The following EAPP variants were observed in gnomAD, a reference collection of about 807,000 sequenced individuals.
The protein encoded by EAPP is E2F associated phosphoprotein, also known as E2F-associated phosphoprotein.
In EAPP, 38 loss-of-function variants were observed where a neutral mutation model predicts 34.3. That is an observed-to-expected ratio of 1.11 (90% CI 0.85 to 1.45). The LOEUF (loss-of-function observed/expected upper bound fraction) is 1.45. Ranked by LOEUF, EAPP falls within the 40% of genes most tolerant of loss-of-function variation. The pLI is 0.00. For missense variants in EAPP, 338 were observed against 343.7 expected, an observed-to-expected ratio of 0.98 and a Z score of 0.13; for synonymous variants, 113 against 117.6, an observed-to-expected ratio of 0.96 and a Z score of 0.25.
intron 5 of EAPP, among the ~76,000 whole-genome samples, chr14:34,516,977 GC>G (rs1475876786): frequency 6.9e-6 from 1 of 145,328 alleles, no homozygotes; most frequent in African/African-American, 2.6e-5. Context: ...TCGCTCTGTC[GC>G]CCAGGCTGGA....
chr14:34,529,587 A>G, intron 3 of EAPP, 112 bp from the exon 4 acceptor site: 1 of 897,232 alleles, frequency 1.1e-6, no homozygotes, highest in Admixed American at 2.6e-5. Flanking sequence ...TTCCCTAAAA[A>G]GTTAAAAAAG....
Position 34,539,510 on chromosome 14 carries a change from G to A in EAPP, c.74+45C>T, listed in dbSNP as rs767282243. The A allele has an allele frequency of 3.8e-6, 6 of 1,589,834 alleles. No homozygotes were observed. In the South Asian group the frequency reaches 5.5e-5, roughly 15 times the overall value. The stretch of plus-strand genomic sequence containing the variant: ...AACGAATGGAGGCGACCAAAGCCAG[G>A]CCTCGACCCAAATCCTCGGGGGCCA... On this transcript the variant is annotated intron_variant, in intron 1 of 5. Coordinates refer to ENST00000250454, the MANE Select transcript of EAPP (RefSeq NM_018453.4).
intron 3 of EAPP, among the ~76,000 whole-genome samples, chr14:34,531,976 T>C (rs1880309104): frequency 6.7e-6 from 1 of 149,738 alleles, no homozygotes; most frequent in African/African-American, 2.5e-5. Context: ...CTCGGGAGGC[T>C]GAGGCAGGAG....
intron 2 of EAPP, among the ~76,000 whole-genome samples, chr14:34,534,596 C>T (rs957145649): frequency 8.6e-5 from 13 of 151,952 alleles, no homozygotes; most frequent in African/African-American, 3.1e-4. Flanking sequence ...CCTAAAAATA[C>T]TTTTGTAAGT....
chr14:34,518,975 T>A (rs1270098126), intron 5 of EAPP, among the ~76,000 whole-genome samples: 1 of 152,136 alleles, frequency 6.6e-6, no homozygotes, highest in Non-Finnish European at 1.5e-5. Context: ...GTGTTAGTAC[T>A]GATAAGTAAG....
chr14:34,523,526 GT>G (rs10668919), intron 5 of EAPP, among the ~76,000 whole-genome samples: 77 of 119,514 alleles, frequency 6.4e-4, no homozygotes, highest in Middle Eastern at 5.7e-3. Context: ...CGCCCAGCCC[GT>G]TTTTTTTTTT....
At chr14:34,536,385 T>TACAAGTACA in intron 1 of EAPP, 110 bp from the exon 2 acceptor site, 2 of 767,650 alleles carry the variant, frequency 2.6e-6, no homozygotes, top group South Asian at 4.3e-5. Flanking sequence ...ATGGTTACAT[T>TACAAGTACA]TGATGTACTT....
intron 5 of EAPP, among the ~76,000 whole-genome samples, chr14:34,517,152 A>G (rs1357286641): frequency 2.0e-5 from 3 of 150,976 alleles, no homozygotes; most frequent in South Asian, 2.1e-4. Context: ...GTTAGCCAGG[A>G]TGGTCTCGAT....
At chr14:34,536,722 G>C (rs532237190) in intron 1 of EAPP, among the ~76,000 whole-genome samples, 9 of 151,518 alleles carry the variant, frequency 5.9e-5, no homozygotes, top group East Asian at 3.9e-4. Flanking sequence ...TTGTTTGTTT[G>C]TTTCTTTTGA....
chr14:34,517,539 G>C (rs992300130), intron 5 of EAPP, among the ~76,000 whole-genome samples: 1 of 151,880 alleles, frequency 6.6e-6, no homozygotes, highest in Non-Finnish European at 1.5e-5. Flanking sequence ...ATGAGCCACC[G>C]TGCCTAGCCT....
rs1283149437 is a variant in EAPP, at chr14:34,533,479, T to C, written c.317A>G (p.Tyr106Cys). ...TAPTRYYDDI[Y>C]FDSDSEDEDR... ...TTCATCCTCGGAATCAGAATCAAAA[T>C]ATATATCATCGTAGTACCTTGTCGG... The change falls in exon 3 of 6, where the codon TAT becomes TGT. Residue 106 changes from tyrosine (Y) to cysteine (C), a missense_variant. Tyr to Cys is a radical substitution (Grantham distance 194, BLOSUM62 -2). Transcript: ENST00000250454. 1.2e-6 allele frequency: 2 copies of C among 1,612,206 alleles called. No homozygotes were observed. Among genetic ancestry groups the C allele is most frequent in the Non-Finnish European group, 1.7e-6 (2 of 1,179,438 alleles).
rs1238014060 is a variant in EAPP, at chr14:34,516,535, A to G, written c.633T>C (p.Ser211=). ...QYRAMFVMNC[S]INKEEVLRYK... ...ATCTTAGAACCTCCTCTTTGTTAAT[A>G]GAACAATTCATTACAAACATTGCTC... is the stretch of plus-strand genomic sequence containing the variant. Residue 211 remains serine, a synonymous_variant, in exon 6 of 6, where the codon TCT becomes TCC. Coordinates refer to ENST00000250454, the MANE Select transcript of EAPP (RefSeq NM_018453.4). 6 of 1,613,974 alleles carry G rather than the reference A, an allele frequency of 3.7e-6. No homozygotes were observed. The highest frequency in any genetic ancestry group is 2.7e-5 in the African/African-American group (2 of 74,898).
intron 5 of EAPP, among the ~76,000 whole-genome samples, chr14:34,519,258 G>C (rs1255468167): frequency 6.6e-6 from 1 of 152,134 alleles, no homozygotes; most frequent in East Asian, 1.9e-4. Context: ...TTCCTGGCCA[G>C]GTGCACTGGC....
At chr14:34,535,425 C>T (rs961769742) in intron 2 of EAPP, among the ~76,000 whole-genome samples, 9 of 144,230 alleles carry the variant, frequency 6.2e-5, no homozygotes, top group South Asian at 4.5e-4. Flanking sequence ...CCACTGCACC[C>T]GGTCGCTACA....
chr14:34,521,837 T>C (rs1185695644), intron 5 of EAPP, among the ~76,000 whole-genome samples: 3 of 152,100 alleles, frequency 2.0e-5, no homozygotes, highest in Admixed American at 6.6e-5. Flanking sequence ...GGTTTCACCA[T>C]GTTAGCCAGG....
At chr14:34,531,986 G>A (rs1343460735) in intron 3 of EAPP, among the ~76,000 whole-genome samples, 4 of 151,162 alleles carry the variant, frequency 2.6e-5, no homozygotes, top group Non-Finnish European at 5.9e-5. Context: ...TGAGGCAGGA[G>A]GATGGCGTGA....
At chr14:34,533,324 C>T (rs1441856695) in intron 3 of EAPP, 120 bp downstream of exon 3, 1 of 784,450 alleles carries the variant, frequency 1.3e-6, no homozygotes, top group Non-Finnish European at 2.1e-6. Context: ...TGTGAGCCAC[C>T]ATGCCTAGCT....
intron 5 of EAPP, among the ~76,000 whole-genome samples, chr14:34,518,882 A>C (rs1879823349): frequency 6.6e-6 from 1 of 152,150 alleles, no homozygotes; most frequent in Non-Finnish European, 1.5e-5. Flanking sequence ...AGTTTCTTCT[A>C]GGCAGCATAT....
rs1402555888 is a variant in EAPP at position 34,539,413 on chromosome 14, C to T, written c.74+142G>A. On this transcript the variant is annotated intron_variant, in intron 1 of 5. Coordinates refer to ENST00000250454, the MANE Select transcript of EAPP (RefSeq NM_018453.4). ...ACTGCGCGACCCCATCAGGAAAGCC[C>T]TTTGGCTTCGCACAAGTAACAGGCA... 5 of 913,250 alleles carry T rather than the reference C, an allele frequency of 5.5e-6. No homozygotes were observed. In the Admixed American group the frequency reaches 9.8e-5, roughly 18 times the overall value. The allele number at this position is 913,250 out of a possible 1,614,324, so 56.6% of individuals were successfully genotyped here. A position where few individuals can be genotyped will look rare whatever the true frequency, so the allele number is the denominator to read the frequency against.
Sources: allele counts gnomAD v4.1 joint callset (sites outside exome capture counted in the v4.1 genomes callset), GRCh38; gene constraint gnomAD v4.1.1; transcripts MANE v1.5; gene names NCBI Gene and HGNC (gene_info 2026-07-23, HGNC 2026-07-21).